TVP23A: variants seen among roughly 807,000 people sequenced by gnomAD.
TVP23A encodes the protein trans-golgi network vesicle protein 23 homolog A.
A neutral mutation model predicts 31.7 loss-of-function variants in TVP23A; 21 were observed. The ratio of observed to expected loss-of-function variants is 0.66; its 90% CI spans 0.47 to 0.95. TVP23A has a LOEUF of 0.95. TVP23A is among the 40% of genes least tolerant of loss of function. TVP23A has a pLI of 0.00. For synonymous variants in TVP23A, 104 were observed against 96.0 expected (o/e 1.08, Z -0.49); for missense variants, 279 against 255.6 (o/e 1.09, Z -0.62).
intron 2 of TVP23A, among the ~76,000 whole-genome samples, chr16:10,803,237 T>G (rs921665426): frequency 4.5e-5 from 5 of 111,484 alleles, no homozygotes; most frequent in African/African-American, 2.1e-4. Flanking sequence ...TGAGCCGAGA[T>G]CGCGCCACTG....
At chr16:10,762,818 G>T (rs1596468924), downstream of TVP23A, among the ~76,000 whole-genome samples, 1 of 151,960 alleles carries the variant, frequency 6.6e-6, no homozygotes, top group South Asian at 2.1e-4. Context: ...CGCGTGCTTG[G>T]GGAGAGGGCG....
intron 6 of TVP23A, 66 bp downstream of exon 6, chr16:10,771,604 A>G (rs1381744640): frequency 6.3e-7 from 1 of 1,597,650 alleles, no homozygotes; most frequent in African/African-American, 1.3e-5. Flanking sequence ...CGCAGTTGCC[A>G]GCAGGCCACC....
chr16:10,766,605 C>T, downstream of TVP23A: 1 of 183,254 alleles, frequency 5.5e-6, no homozygotes, highest in Non-Finnish European at 1.1e-5. The surrounding 1 kb of genome is among the most constrained non-coding windows in gnomAD (Gnocchi z 4.8). Flanking sequence ...GTCTCATGGG[C>T]CCAGCGTTAA....
intron 4 of TVP23A, 90 bp downstream of exon 4, chr16:10,773,949 C>CA (rs1433048060): frequency 1.0e-6 from 1 of 1,000,994 alleles, no homozygotes; most frequent in Non-Finnish European, 1.5e-6. Flanking sequence ...AGGCAGGAAT[C>CA]AGATATGCAC....
Position 10,767,343 on chromosome 16 carries a change from G to C in TVP23A, c.*1759C>G. 2.5e-6 allele frequency: 1 copy of C among 399,514 alleles called. No individual in the cohort carries two copies. The highest frequency in any genetic ancestry group is 4.4e-6 in the Non-Finnish European group (1 of 226,782). 24.7% of individuals were successfully genotyped at this position (399,514 alleles called of 1,614,324 possible). On this transcript the variant is annotated 3_prime_UTR_variant, in exon 8 of 8. Coordinates refer to ENST00000299866, the MANE Select transcript of TVP23A (RefSeq NM_001079512.4). The surrounding 1 kb of genome is among the most constrained non-coding windows in gnomAD (Gnocchi z 4.6). ...GGGACTGGAACAATGGCCACATGGCGGGGAAAGACTAGCAGACTGATAGAC... is the reference window on the plus strand; with the variant it reads ...GGGACTGGAACAATGGCCACATGGCCGGGAAAGACTAGCAGACTGATAGAC...
chr16:10,773,921 A>C, intron 4 of TVP23A, 118 bp downstream of exon 4: 1 of 789,208 alleles, frequency 1.3e-6, no homozygotes. Context: ...GCACCTTGGC[A>C]ATGGTGGCTT....
At chr16:10,811,903 C>CAAA (rs763108313) in intron 2 of TVP23A, among the ~76,000 whole-genome samples, 4 of 42,246 alleles carry the variant, frequency 9.5e-5, no homozygotes, top group African/African-American at 2.5e-4. Context: ...GACTCCGTCT[C>CAAA]AAAAAAAAAA....
chr16:10,795,744 A>G (rs1157656807), intron 2 of TVP23A, among the ~76,000 whole-genome samples: 1 of 152,128 alleles, frequency 6.6e-6, no homozygotes, highest in African/African-American at 2.4e-5. Context: ...TCAGCTCACA[A>G]ATGAAATGAT....
At chr16:10,810,536 G>C (rs1430266266) in intron 2 of TVP23A, among the ~76,000 whole-genome samples, 1 of 140,814 alleles carries the variant, frequency 7.1e-6, no homozygotes, top group African/African-American at 2.8e-5. Flanking sequence ...GACAGAGCAA[G>C]ACCCTGTCTC....
At chr16:10,759,113 C>G (rs988731432), downstream of TVP23A, among the ~76,000 whole-genome samples, 1 of 152,226 alleles carries the variant, frequency 6.6e-6, no homozygotes, top group African/African-American at 2.4e-5. The surrounding 1 kb of genome is among the most constrained non-coding windows in gnomAD (Gnocchi z 4.7). Flanking sequence ...TCAGGACGAC[C>G]CATAGTCTCA....
chr16:10,805,584 A>C (rs2033904961), intron 2 of TVP23A, among the ~76,000 whole-genome samples: 1 of 150,172 alleles, frequency 6.7e-6, no homozygotes, highest in African/African-American at 2.5e-5. Flanking sequence ...AAGGGTTAGC[A>C]GGGGGCCATG....
chr16:10,818,310 G>C lies in TVP23A; in HGVS notation c.10-128C>G. Reference sequence around the variant, plus strand: ...GTTCCCAAGTGGACCCTCCGAGCTGGCGGGGCCCCTCCGCTGCGGCTGCAG... The same window carrying C: ...GTTCCCAAGTGGACCCTCCGAGCTGCCGGGGCCCCTCCGCTGCGGCTGCAG... On this transcript the variant is annotated intron_variant, in intron 1 of 7. Coordinates refer to ENST00000299866, the MANE Select transcript of TVP23A (RefSeq NM_001079512.4). This position sits in a 1 kb window ranked among gnomAD's most constrained non-coding sequence, Gnocchi z 4.7. The C allele has an allele frequency of 7.5e-7, 1 of 1,328,284 alleles. No homozygotes were observed. The highest frequency in any genetic ancestry group is 1.0e-6 in the Non-Finnish European group (1 of 961,978). 82.3% of individuals were successfully genotyped at this position (1,328,284 alleles called of 1,614,324 possible). A position where few individuals can be genotyped will look rare whatever the true frequency, so the allele number is the denominator to read the frequency against.
At chr16:10,806,801 C>T (rs2033967503) in intron 2 of TVP23A, among the ~76,000 whole-genome samples, 1 of 152,134 alleles carries the variant, frequency 6.6e-6, no homozygotes, top group Non-Finnish European at 1.5e-5. Context: ...CACACCTGGC[C>T]CTTCAGTGAT....
intron 2 of TVP23A, among the ~76,000 whole-genome samples, chr16:10,788,426 C>T (rs2142980664): frequency 6.6e-6 from 1 of 152,134 alleles, no homozygotes; most frequent in African/African-American, 2.4e-5. Flanking sequence ...AGGCGCCCGC[C>T]ACCACACCCG....
At position 10,818,569 on chromosome 16, in the gene TVP23A, C is replaced by T. The variant is rs940269260; in HGVS notation, c.-76G>A. ...CCGTCGCCGCTGAAGGGGTCGGACG[C>T]CGGGCGGGCGGATGTAGGCAGCAGA... On this transcript the variant is annotated 5_prime_UTR_variant, in exon 1 of 8. Coordinates refer to ENST00000299866, the MANE Select transcript of TVP23A (RefSeq NM_001079512.4). The surrounding 1 kb of genome is among the most constrained non-coding windows in gnomAD (Gnocchi z 4.7). The T allele has an allele frequency of 5.2e-6, 8 of 1,543,940 alleles. No homozygotes were observed. Among genetic ancestry groups the T allele is most frequent in the Non-Finnish European group, 6.9e-6 (8 of 1,151,080 alleles).
chr16:10,781,585 C>G (rs1305529800), intron 2 of TVP23A, among the ~76,000 whole-genome samples: 1 of 152,102 alleles, frequency 6.6e-6, no homozygotes, highest in Non-Finnish European at 1.5e-5. Flanking sequence ...ACGTTGTGCA[C>G]AGGATACAAG....
chr16:10,767,413 C>T lies in TVP23A; in HGVS notation c.*1689G>A. 2.5e-6 allele frequency: 1 copy of T among 400,068 alleles called. No individual in the cohort carries two copies. The allele number at this position is 400,068 out of a possible 1,614,324, so 24.8% of individuals were successfully genotyped here. On this transcript the variant is annotated 3_prime_UTR_variant, in exon 8 of 8. Transcript: ENST00000299866. The surrounding 1 kb of genome is among the most constrained non-coding windows in gnomAD (Gnocchi z 4.6). ...AAGATAAAATTATACACAGACAAAG[C>T]AGCAGGCAGAATGTGTGTGTCATGT...
In TVP23A at chr16:10,777,745, C is replaced by T. The variant is rs974572222; in HGVS notation, c.90-2649G>A. ...GACAGGATCAAGCCGGGCGTGGTGG[C>T]TCACGCCTGTAATCCCAGCACTTTG... On this transcript the variant is annotated intron_variant, in intron 2 of 7. Transcript: ENST00000299866. This position sits in a 1 kb window ranked among gnomAD's most constrained non-coding sequence, Gnocchi z 4.5. 5.9e-5 allele frequency among the ~76,000 whole-genome samples: 9 copies of T among 152,204 alleles called. No homozygotes were observed. The highest frequency in any genetic ancestry group is 1.9e-4 in the African/African-American group (8 of 41,466).
At chr16:10,781,328 CA>C (rs796378471) in intron 2 of TVP23A, among the ~76,000 whole-genome samples, 11,220 of 102,130 alleles carry the variant, frequency 0.11, 1,330 homozygotes, top group African/African-American at 0.33. Context: ...GACTCCATCT[CA>C]AAAAAAAAAA....
Sources: gnomAD v4.1 joint callset for allele counts (sites outside exome capture counted in the v4.1 genomes callset) on GRCh38, gnomAD v4.1.1 for gene constraint, Gnocchi (gnomAD v3.1) non-coding constraint, MANE v1.5 for transcripts, NCBI Gene and HGNC (gene_info 2026-07-23, HGNC 2026-07-21) for gene names.